Variants in PRKN observed in about 807,000 individuals in gnomAD.
PRKN encodes parkin RBR E3 ubiquitin protein ligase.
PRKN carries 56 observed loss-of-function variants against 59.5 expected under a neutral mutation model. The observed-to-expected ratio is 0.94, with a 90% CI of 0.76 to 1.18. The LOEUF (loss-of-function observed/expected upper bound fraction) is 1.18. Among genes scored for constraint, PRKN ranks in the 50% most tolerant of loss-of-function variants. The pLI is 0.00. For synonymous variants in PRKN, 250 were observed against 222.1 expected (o/e 1.13, Z -1.12); for missense variants, 657 against 596.4 (o/e 1.10, Z -1.06).
intron 6 of PRKN, among the ~76,000 whole-genome samples, chr6:161,912,603 T>A (rs546673920): frequency 5.1e-4 from 78 of 151,956 alleles, no homozygotes; most frequent in African/African-American, 1.7e-3. Context: ...AGGGGCCACG[T>A]GGAGATAGAG....
intron 9 of PRKN, among the ~76,000 whole-genome samples, chr6:161,432,534 T>G (rs1024306706): frequency 7.2e-6 from 1 of 138,642 alleles, no homozygotes. Context: ...CCCAGCTAAT[T>G]TTTTTTTTTT....
intron 7 of PRKN, among the ~76,000 whole-genome samples, chr6:161,621,785 G>A (rs1191449702): frequency 1.3e-5 from 2 of 152,068 alleles, no homozygotes; most frequent in Non-Finnish European, 2.9e-5. Flanking sequence ...AACCTTGCTG[G>A]TCACCCATAA....
At chr6:162,087,080 C>A (rs929035112) in intron 4 of PRKN, among the ~76,000 whole-genome samples, 1 of 152,170 alleles carries the variant, frequency 6.6e-6, no homozygotes, top group African/African-American at 2.4e-5. Flanking sequence ...TTTCTAAGGT[C>A]CCCCAGCTGT....
At chr6:162,441,366 C>A (rs1378664448) in intron 2 of PRKN, among the ~76,000 whole-genome samples, 1 of 152,060 alleles carries the variant, frequency 6.6e-6, no homozygotes. Context: ...GAACAAGAAC[C>A]CATCCTTTTT....
intron 7 of PRKN, among the ~76,000 whole-genome samples, chr6:161,692,123 C>A (rs1457180008): frequency 6.6e-6 from 1 of 152,268 alleles, no homozygotes. Context: ...ACTTGAATAT[C>A]GGTGTGGGTT....
intron 10 of PRKN, among the ~76,000 whole-genome samples, chr6:161,380,751 T>TA (rs1785939327): frequency 6.6e-6 from 1 of 152,098 alleles, no homozygotes; most frequent in Non-Finnish European, 1.5e-5. Context: ...GTTTAAGATT[T>TA]AAAAAAATGT....
At chr6:161,367,251 G>C (rs1475435812) in intron 10 of PRKN, among the ~76,000 whole-genome samples, 3 of 151,922 alleles carry the variant, frequency 2.0e-5, no homozygotes, top group Non-Finnish European at 4.4e-5. Context: ...AAAGTGCTGG[G>C]ATTACAGGCG....
At chr6:161,368,199 C>A (rs989045327) in intron 10 of PRKN, among the ~76,000 whole-genome samples, 2 of 150,578 alleles carry the variant, frequency 1.3e-5, no homozygotes, top group East Asian at 3.9e-4. Flanking sequence ...GCCAGTGCGA[C>A]GGTCAGGAGT....
intron 7 of PRKN, among the ~76,000 whole-genome samples, chr6:161,784,595 A>G (rs1202875737): frequency 6.6e-6 from 1 of 152,222 alleles, no homozygotes; most frequent in Non-Finnish European, 1.5e-5. Flanking sequence ...CACACTTACT[A>G]GGATGACTAG....
chr6:162,375,882 C>T (rs780927070), intron 2 of PRKN, among the ~76,000 whole-genome samples: 26 of 151,914 alleles, frequency 1.7e-4, no homozygotes, highest in Non-Finnish European at 3.7e-4. Context: ...CATGGACCCA[C>T]GGTTCTTGTC....
At chr6:162,281,334 G>C (rs906969685) in intron 2 of PRKN, among the ~76,000 whole-genome samples, 7 of 151,900 alleles carry the variant, frequency 4.6e-5, no homozygotes, top group Non-Finnish European at 1.0e-4. Context: ...GCTGACGGGT[G>C]CAGCAAACCA....
Position 161,377,257 on chromosome 6 carries a change from A to G in PRKN, c.1167+9537T>C, listed in dbSNP as rs1785756363. 6.6e-6 allele frequency among the ~76,000 whole-genome samples: 1 copy of G among 152,254 alleles called. No individual in the cohort carries two copies. Among genetic ancestry groups the G allele is most frequent in the African/African-American group, 2.4e-5 (1 of 41,480 alleles). On this transcript the variant is annotated intron_variant, in intron 10 of 11. Transcript: ENST00000366898. The surrounding 1 kb of genome is among the most constrained non-coding windows in gnomAD (Gnocchi z 4.2). ...TTGGAGCATCTGTGCAGCAATTGTCATAAGACAGAAGTGGGGCATCTAGGC... is the reference window on the plus strand; with the variant it reads ...TTGGAGCATCTGTGCAGCAATTGTCGTAAGACAGAAGTGGGGCATCTAGGC...
chr6:162,595,511 C>T (rs1781467226), intron 1 of PRKN, among the ~76,000 whole-genome samples: 1 of 152,112 alleles, frequency 6.6e-6, no homozygotes, highest in African/African-American at 2.4e-5. Context: ...CTGCCGCAGC[C>T]TCCCAAAGTG....
At chr6:162,550,857 G>A (rs1475731208) in intron 1 of PRKN, among the ~76,000 whole-genome samples, 1 of 152,174 alleles carries the variant, frequency 6.6e-6, no homozygotes, top group African/African-American at 2.4e-5. Flanking sequence ...GCCCACTGGA[G>A]TGGCGTGTGA....
chr6:162,101,832 G>C (rs1779983781), intron 4 of PRKN, among the ~76,000 whole-genome samples: 1 of 152,152 alleles, frequency 6.6e-6, no homozygotes, highest in Non-Finnish European at 1.5e-5. Context: ...ACTTTTGGGA[G>C]TAAGTTGCTG....
chr6:162,229,691 TC>T (rs138501325), intron 3 of PRKN, among the ~76,000 whole-genome samples: 2,432 of 152,286 alleles, frequency 0.016, 70 homozygotes, highest in African/African-American at 0.056. Context: ...CACTTGCCAT[TC>T]CCTCTTCCTT....
At chr6:162,106,696 G>A (rs1562517267) in intron 4 of PRKN, among the ~76,000 whole-genome samples, 1 of 152,292 alleles carries the variant, frequency 6.6e-6, no homozygotes, top group Admixed American at 6.5e-5. Context: ...TTCACGGAAA[G>A]GAAAACCATT....
At position 161,414,144 on chromosome 6, in the gene PRKN, G is replaced by T. The variant is rs1222425625; in HGVS notation, c.1084-27267C>A. ...TCTTTGCTGCAAATGGCTCTCTGGA[G>T]CACAAACTCTCAACAAGGTGGAAAC... On this transcript the variant is annotated intron_variant, in intron 9 of 11. Coordinates refer to ENST00000366898, the MANE Select transcript of PRKN (RefSeq NM_004562.3). The surrounding 1 kb of genome is among the most constrained non-coding windows in gnomAD (Gnocchi z 5.3). 6.6e-6 allele frequency among the ~76,000 whole-genome samples: 1 copy of T among 152,154 alleles called. No individual in the cohort carries two copies. The highest frequency in any genetic ancestry group is 2.4e-5 in the African/African-American group (1 of 41,418).
chr6:162,152,987 G>A (rs942685617), intron 4 of PRKN, among the ~76,000 whole-genome samples: 6 of 152,176 alleles, frequency 3.9e-5, no homozygotes, highest in African/African-American at 9.6e-5. Flanking sequence ...CTCCAAAGTC[G>A]ATGATGTTCA....
Sources: gnomAD v4.1 joint callset for allele counts (sites outside exome capture counted in the v4.1 genomes callset) on GRCh38, gnomAD v4.1.1 for gene constraint, Gnocchi (gnomAD v3.1) non-coding constraint, MANE v1.5 for transcripts, NCBI Gene and HGNC (gene_info 2026-07-23, HGNC 2026-07-21) for gene names.